Variants in CDKAL1 observed in about 807,000 individuals in gnomAD.
CDKAL1 encodes CDKAL1 threonylcarbamoyladenosine tRNA methylthiotransferase.
CDKAL1 carries 32 observed loss-of-function variants against 68.2 expected under a neutral mutation model. The observed-to-expected ratio is 0.47, with a 90% confidence interval of 0.35 to 0.63. CDKAL1 has a LOEUF of 0.63. Ranked by LOEUF, CDKAL1 falls within the 30% of genes least tolerant of loss-of-function variation. The pLI, the probability that CDKAL1 is intolerant of heterozygous loss-of-function variation, is 0.00. For synonymous variants in CDKAL1, 234 were observed against 244.3 expected (o/e 0.96, Z 0.39); for missense variants, 606 against 696.7 (o/e 0.87, Z 1.47).
At chr6:20,902,102 G>A (rs1762017633) in intron 9 of CDKAL1, among the ~76,000 whole-genome samples, 1 of 152,098 alleles carries the variant, frequency 6.6e-6, no homozygotes, top group Admixed American at 6.5e-5. Context: ...TAACACTGTG[G>A]ATTATTACTG....
At chr6:21,141,735 G>A (rs1391562680) in intron 13 of CDKAL1, among the ~76,000 whole-genome samples, 1 of 152,188 alleles carries the variant, frequency 6.6e-6, no homozygotes, top group East Asian at 1.9e-4. Flanking sequence ...AAAAGGGTTA[G>A]CTCAGGCTTT....
intron 9 of CDKAL1, among the ~76,000 whole-genome samples, chr6:20,924,998 T>C (rs1157671956): frequency 6.6e-6 from 1 of 152,166 alleles, no homozygotes; most frequent in Non-Finnish European, 1.5e-5. Context: ...AGCAGTTCTG[T>C]TGTGGGTAAA....
intron 11 of CDKAL1, among the ~76,000 whole-genome samples, chr6:21,010,810 G>A (rs193098404): frequency 3.6e-4 from 55 of 152,234 alleles, no homozygotes; most frequent in East Asian, 1.4e-3. Flanking sequence ...AGGGCTGGGC[G>A]CGATGGTTCA....
intron 11 of CDKAL1, among the ~76,000 whole-genome samples, chr6:21,050,602 G>A (rs1311433467): frequency 6.6e-6 from 1 of 152,166 alleles, no homozygotes; most frequent in Non-Finnish European, 1.5e-5. Flanking sequence ...CTTGCTGATT[G>A]GTTTGTGACT....
At chr6:20,701,260 T>TTTTG (rs1491349550) in intron 5 of CDKAL1, among the ~76,000 whole-genome samples, 1 of 11,688 alleles carries the variant, frequency 8.6e-5, no homozygotes, top group Non-Finnish European at 3.2e-4. Context: ...CATGAAGTTG[T>TTTTG]TTTTTTTTTT....
intron 9 of CDKAL1, among the ~76,000 whole-genome samples, chr6:20,877,479 C>T (rs574565148): frequency 6.6e-6 from 1 of 152,286 alleles, no homozygotes; most frequent in South Asian, 2.1e-4. Context: ...CAAGGTATAC[C>T]TATCTGACCA....
chr6:21,135,982 T>G (rs1310513225), intron 13 of CDKAL1, among the ~76,000 whole-genome samples: 1 of 152,228 alleles, frequency 6.6e-6, no homozygotes, highest in African/African-American at 2.4e-5. Flanking sequence ...CAAGTGATTT[T>G]CTTATTTGTA....
At chr6:21,024,672 T>C (rs1026375786) in intron 11 of CDKAL1, among the ~76,000 whole-genome samples, 16 of 152,200 alleles carry the variant, frequency 1.1e-4, no homozygotes, top group African/African-American at 3.9e-4. Context: ...ATCAGTAACA[T>C]GCTTTACACA....
intron 13 of CDKAL1, among the ~76,000 whole-genome samples, chr6:21,119,427 A>T (rs1364890328): frequency 6.6e-6 from 1 of 152,218 alleles, no homozygotes; most frequent in Non-Finnish European, 1.5e-5. Context: ...AATTTTTAGA[A>T]TTTAAGTAGG....
intron 5 of CDKAL1, among the ~76,000 whole-genome samples, chr6:20,676,754 A>G (rs561570416): frequency 1.3e-5 from 2 of 152,208 alleles, no homozygotes; most frequent in Non-Finnish European, 2.9e-5. Context: ...GTATGTTTGG[A>G]TATACAATAC....
At chr6:20,596,879 C>A (rs942174588) in intron 4 of CDKAL1, among the ~76,000 whole-genome samples, 1 of 152,280 alleles carries the variant, frequency 6.6e-6, no homozygotes, top group African/African-American at 2.4e-5. Context: ...CTCACGGCTT[C>A]CCTTGGCTAG....
chr6:21,129,460 A>G (rs1169649421), intron 13 of CDKAL1, among the ~76,000 whole-genome samples: 7 of 152,060 alleles, frequency 4.6e-5, no homozygotes, highest in Non-Finnish European at 8.8e-5. Flanking sequence ...CTGTGAGTAG[A>G]AAAAAAGCCT....
intron 12 of CDKAL1, among the ~76,000 whole-genome samples, chr6:21,081,634 C>T (rs1380218921): frequency 2.7e-5 from 4 of 148,598 alleles, no homozygotes; most frequent in East Asian, 2.0e-4. Flanking sequence ...TGCAGTGGCG[C>T]GATCTCATCT....
chr6:20,556,080 C>T (rs1764031939), intron 4 of CDKAL1, among the ~76,000 whole-genome samples: 1 of 151,910 alleles, frequency 6.6e-6, no homozygotes, highest in East Asian at 1.9e-4. Flanking sequence ...TAAGCTGTTT[C>T]TTGGCCGGGT....
At chr6:20,735,576 G>A in intron 5 of CDKAL1, among the ~76,000 whole-genome samples, 1 of 152,164 alleles carries the variant, frequency 6.6e-6, no homozygotes, top group Admixed American at 6.5e-5. Context: ...ATGAGATTTG[G>A]GTGGGGACAC....
intron 9 of CDKAL1, among the ~76,000 whole-genome samples, chr6:20,934,259 A>G (rs1441725116): frequency 6.6e-6 from 1 of 152,176 alleles, no homozygotes; most frequent in Non-Finnish European, 1.5e-5. Context: ...GTGGATGTAG[A>G]CATCCATTTA....
intron 5 of CDKAL1, among the ~76,000 whole-genome samples, chr6:20,688,501 CAGAG>C (rs983692849): frequency 2.6e-5 from 4 of 151,896 alleles, no homozygotes; most frequent in Admixed American, 2.0e-4. Context: ...TCTTCAAGCT[CAGAG>C]AGAGTCTTTG....
chr6:21,015,129 G>A (rs546707188), intron 11 of CDKAL1, among the ~76,000 whole-genome samples: 1 of 152,346 alleles, frequency 6.6e-6, no homozygotes, highest in African/African-American at 2.4e-5. Context: ...GAGTTAGCCT[G>A]CTGCCGGAAT....
chr6:20,892,255 A>C (rs1382139928), intron 9 of CDKAL1, among the ~76,000 whole-genome samples: 1 of 152,200 alleles, frequency 6.6e-6, no homozygotes, highest in East Asian at 1.9e-4. Context: ...AGAGGGAGAG[A>C]GACTGAAGTG....
Sources: allele counts gnomAD v4.1 joint callset (sites outside exome capture counted in the v4.1 genomes callset), GRCh38; gene constraint gnomAD v4.1.1; transcripts MANE v1.5; gene names NCBI Gene and HGNC (gene_info 2026-07-23, HGNC 2026-07-21).